ADGRL3: variants seen among roughly 807,000 people sequenced by gnomAD.
ADGRL3 encodes calcium-independent alpha-latrotoxin receptor 3.
In ADGRL3, 62 loss-of-function variants were observed where a neutral mutation model predicts 153.5. The observed-to-expected ratio is 0.40, with a 90% confidence interval of 0.33 to 0.50. The LOEUF (loss-of-function observed/expected upper bound fraction) is 0.50, where lower values mean the gene tolerates loss of function less well. Among genes scored for constraint, ADGRL3 ranks in the 20% least tolerant of loss-of-function variants. The pLI, the probability that ADGRL3 is intolerant of heterozygous loss-of-function variation, is 0.47. For missense variants in ADGRL3, 1,641 were observed against 1,859.4 expected (o/e 0.88, Z 2.16); for synonymous variants, 710 against 672.5 (o/e 1.06, Z -0.86).
At chr4:61,600,719 G>A (rs747824858) in intron 5 of ADGRL3, among the ~76,000 whole-genome samples, 9 of 152,206 alleles carry the variant, frequency 5.9e-5, no homozygotes, top group Middle Eastern at 6.8e-3. Flanking sequence ...TGTCATTCCC[G>A]ATTTTGATAA....
intron 4 of ADGRL3, among the ~76,000 whole-genome samples, chr4:61,562,199 A>T (rs1446165575): frequency 6.6e-6 from 1 of 152,152 alleles, no homozygotes; most frequent in African/African-American, 2.4e-5. Flanking sequence ...CCTTAATTAA[A>T]TTACTTTAAA....
chr4:61,680,554 T>C (rs923565997), intron 6 of ADGRL3, among the ~76,000 whole-genome samples: 3 of 151,780 alleles, frequency 2.0e-5, no homozygotes, highest in Non-Finnish European at 4.4e-5. Context: ...AAAGGTAATA[T>C]AGACAGAGTC....
intron 21 of ADGRL3, among the ~76,000 whole-genome samples, chr4:62,012,657 T>C (rs1490061944): frequency 6.6e-6 from 1 of 152,144 alleles, no homozygotes; most frequent in Middle Eastern, 3.2e-3. Flanking sequence ...TCAGTAAACA[T>C]ATCAGTTTAG....
At chr4:61,336,928 C>T (rs2095689559) in intron 1 of ADGRL3, among the ~76,000 whole-genome samples, 1 of 149,760 alleles carries the variant, frequency 6.7e-6, no homozygotes, top group South Asian at 2.1e-4. Flanking sequence ...TGCATGCAGT[C>T]ACCACTCTGT....
intron 1 of ADGRL3, among the ~76,000 whole-genome samples, chr4:61,206,002 A>G (rs1736989818): frequency 6.6e-6 from 1 of 152,216 alleles, no homozygotes; most frequent in South Asian, 2.1e-4. Context: ...TTATGGATTC[A>G]TAAGCACAAA....
intron 21 of ADGRL3, among the ~76,000 whole-genome samples, chr4:62,007,311 G>A (rs2099162629): frequency 7.5e-6 from 1 of 133,980 alleles, no homozygotes; most frequent in South Asian, 2.4e-4. Context: ...GTGGGAACAG[G>A]ACATTCTCAA....
chr4:61,717,032 A>G (rs929319813), intron 6 of ADGRL3, among the ~76,000 whole-genome samples: 6 of 152,192 alleles, frequency 3.9e-5, no homozygotes, highest in African/African-American at 1.4e-4. Flanking sequence ...TGAAAGGTGA[A>G]CTGATGTTAA....
rs185360677 is a variant in ADGRL3, at chr4:61,279,361, T to C, written c.-240+77596T>C. 2.0e-5 allele frequency among the ~76,000 whole-genome samples: 3 copies of C among 152,318 alleles called. No homozygotes were observed. The East Asian group carries it at 5.8e-4, about 29-fold the overall frequency. ...TAGTTTAGGTGAATGCTAGGTTCTC[T>C]GAATAAGATTCATTTTTTCCTGTCA... On this transcript the variant is annotated intron_variant, in intron 1 of 26. Transcript: ENST00000683033.
chr4:61,993,786 T>A (rs1440668730), intron 19 of ADGRL3, among the ~76,000 whole-genome samples: 2 of 151,952 alleles, frequency 1.3e-5, no homozygotes, highest in Non-Finnish European at 2.9e-5. Flanking sequence ...GGTGACAAGC[T>A]AGCCTATGGT....
intron 1 of ADGRL3, among the ~76,000 whole-genome samples, chr4:61,228,734 TA>T (rs1298125758): frequency 6.6e-6 from 1 of 152,172 alleles, no homozygotes; most frequent in Admixed American, 6.5e-5. Flanking sequence ...TTGTCAACAG[TA>T]GTTAATAAGT....
At chr4:61,263,850 C>T (rs1265916151) in intron 1 of ADGRL3, among the ~76,000 whole-genome samples, 2 of 151,312 alleles carry the variant, frequency 1.3e-5, no homozygotes, top group African/African-American at 4.8e-5. Flanking sequence ...TCCAGAGCTT[C>T]ATGGTTATAG....
chr4:61,800,163 C>A, intron 8 of ADGRL3, among the ~76,000 whole-genome samples: 1 of 152,010 alleles, frequency 6.6e-6, no homozygotes, highest in Non-Finnish European at 1.5e-5. Context: ...AAAAAGAAAC[C>A]TTCTTAACCA....
chr4:61,598,122 G>A (rs1044990367), intron 5 of ADGRL3, among the ~76,000 whole-genome samples: 15 of 151,474 alleles, frequency 9.9e-5, no homozygotes, highest in Non-Finnish European at 1.9e-4. Flanking sequence ...CCCTTCAAAT[G>A]GTTTATAGTA....
intron 5 of ADGRL3, among the ~76,000 whole-genome samples, chr4:61,676,304 A>G (rs2095190076): frequency 1.3e-5 from 2 of 152,010 alleles, no homozygotes; most frequent in African/African-American, 2.4e-5. Context: ...AAATTCAAAT[A>G]TCAATTTTAA....
At chr4:61,419,577 C>T (rs1051239138) in intron 2 of ADGRL3, among the ~76,000 whole-genome samples, 1 of 152,048 alleles carries the variant, frequency 6.6e-6, no homozygotes, top group Admixed American at 6.5e-5. Flanking sequence ...CAGAATACCC[C>T]GAGTACCCAC....
rs867639191 is a variant in ADGRL3, at chr4:61,926,463, A to T, written c.2113-8377A>T. Among the ~76,000 whole-genome samples the T allele has an allele frequency of 5.3e-5, 8 of 152,246 alleles. No homozygotes were observed. In the South Asian group the frequency reaches 1.0e-3, roughly 20 times the overall value. On this transcript the variant is annotated intron_variant, in intron 13 of 26. Transcript: ENST00000683033. ...ATCAACTGGCGTTAACTAATCAGCA[A>T]ATCATTTTAAATATCTTTGGAATAA... is the stretch of plus-strand genomic sequence containing the variant.
intron 1 of ADGRL3, among the ~76,000 whole-genome samples, chr4:61,328,097 G>A (rs1411065469): frequency 6.6e-6 from 1 of 152,068 alleles, no homozygotes; most frequent in Non-Finnish European, 1.5e-5. Context: ...AGTAGGAAGA[G>A]CTTTTAATAT....
chr4:61,753,963 A>G (rs2096788815), intron 8 of ADGRL3, among the ~76,000 whole-genome samples: 1 of 152,172 alleles, frequency 6.6e-6, no homozygotes, highest in Admixed American at 6.5e-5. Context: ...TGGCACCTAT[A>G]GATTTGGGTG....
intron 2 of ADGRL3, among the ~76,000 whole-genome samples, chr4:61,448,216 G>A (rs1426340345): frequency 6.6e-6 from 1 of 152,184 alleles, no homozygotes; most frequent in Non-Finnish European, 1.5e-5. Flanking sequence ...GTCATACACA[G>A]TCAGGTGTGT....
Sources: allele counts gnomAD v4.1 joint callset (sites outside exome capture counted in the v4.1 genomes callset), GRCh38; gene constraint gnomAD v4.1.1; transcripts MANE v1.5; gene names NCBI Gene and HGNC (gene_info 2026-07-23, HGNC 2026-07-21).